The following SNX13 variants were observed in gnomAD, a reference collection of about 807,000 sequenced individuals.
SNX13 encodes the protein sorting nexin 13, also known as sorting nexin-13.
Under a neutral mutation model 133.6 loss-of-function variants are expected in SNX13, and 45 were observed. The ratio of observed to expected loss-of-function variants is 0.34; its 90% confidence interval spans 0.27 to 0.43. The LOEUF (loss-of-function observed/expected upper bound fraction) is 0.43, where lower values mean the gene tolerates loss of function less well. SNX13 is among the 20% of genes least tolerant of loss of function. The probability of loss-of-function intolerance (pLI) is 1.00; values close to 1 mark genes in which losing one functional copy is unlikely to be tolerated. For missense variants in SNX13, 1,032 were observed against 1,145.1 expected, an observed-to-expected ratio of 0.90 and a Z score of 1.43; for synonymous variants, 414 against 373.9, an observed-to-expected ratio of 1.11 and a Z score of -1.24.
chr7:17,891,019 A>G (rs1423045502), intron 4 of SNX13, among the ~76,000 whole-genome samples: 3 of 151,980 alleles, frequency 2.0e-5, no homozygotes, highest in Non-Finnish European at 4.4e-5. Flanking sequence ...AACTCAATGT[A>G]TAATTTTTAC....
At position 17,871,036 on chromosome 7, in the gene SNX13, G is replaced by T. The variant is rs564157037; in HGVS notation, c.753+2492C>A. ...TTTCTTTTTTTTTGAGAGGGAGTCT[G>T]GCTCTGTCGCCCAGGCTGGAGTGCA... On this transcript the variant is annotated intron_variant, in intron 8 of 25. Transcript: ENST00000428135. Among the ~76,000 whole-genome samples, 15 of 150,858 alleles carry T rather than the reference G, an allele frequency of 9.9e-5. No individual in the cohort carries two copies. The East Asian group carries it at 2.5e-3, about 26-fold the overall frequency.
rs71553704 is a variant in SNX13, at chr7:17,841,553, T to TACACACACACACACACAC, written c.1166-1571_1166-1554dup. Among the ~76,000 whole-genome samples, 385 of 143,064 alleles carry TACACACACACACACACAC rather than the reference T, an allele frequency of 2.7e-3. 2 individuals carry two copies. The highest frequency in any genetic ancestry group is 9.7e-3 in the African/African-American group (368 of 37,818). The allele number at this position is 143,064 out of a possible 152,430, so 93.9% of individuals were successfully genotyped here. On this transcript the variant is annotated intron_variant, in intron 12 of 25. Transcript: ENST00000428135. ...TTAGATTCAAACAGCCAGTTATTCATACACACACACACACACACACACACA... is the reference window on the plus strand; with the variant it reads ...TTAGATTCAAACAGCCAGTTATTCATACACACACACACACACACACACACACACACACACACACACACA...
chr7:17,866,560 C>T (rs539259955), intron 9 of SNX13, among the ~76,000 whole-genome samples: 1 of 151,952 alleles, frequency 6.6e-6, no homozygotes, highest in African/African-American at 2.4e-5. Flanking sequence ...ATTATTCAGC[C>T]ATTAAAAAAA....
rs947784409 is a variant in SNX13, at chr7:17,791,545, GT to G, written c.*2499del. On this transcript the variant is annotated 3_prime_UTR_variant, in exon 26 of 26. Coordinates refer to ENST00000428135, the MANE Select transcript of SNX13 (RefSeq NM_015132.5). ...TTTTTAAGGTGAATAAACTATGATG[GT>G]TTCTAAATAGTGTACATGTTACCTG... 4.0e-5 allele frequency: 6 copies of G among 151,856 alleles called. No homozygotes were observed. The highest frequency in any genetic ancestry group is 7.4e-5 in the Non-Finnish European group (5 of 67,890). The allele number at this position is 151,856 out of a possible 1,614,324, so 9.4% of individuals were successfully genotyped here.
chr7:17,806,988 C>T (rs983291567), intron 20 of SNX13, among the ~76,000 whole-genome samples: 4 of 152,194 alleles, frequency 2.6e-5, no homozygotes, highest in African/African-American at 7.2e-5. Flanking sequence ...TCCGGTGCCT[C>T]CGCCACCACG....
intron 13 of SNX13, among the ~76,000 whole-genome samples, chr7:17,837,868 T>C (rs1789334613): frequency 6.6e-6 from 1 of 151,898 alleles, no homozygotes; most frequent in South Asian, 2.1e-4. Context: ...AGTCTTATTT[T>C]AAAAATAGGA....
chr7:17,882,855 T>C (rs1449918372), intron 5 of SNX13: 1 of 1,287,018 alleles, frequency 7.8e-7, no homozygotes, highest in Non-Finnish European at 1.0e-6. Context: ...ACCAAGGTTT[T>C]GTTAAACAAA....
intron 9 of SNX13, among the ~76,000 whole-genome samples, chr7:17,867,276 A>G (rs1195820458): frequency 6.6e-6 from 1 of 152,184 alleles, no homozygotes; most frequent in Non-Finnish European, 1.5e-5. Flanking sequence ...CAGGTACTAC[A>G]ATCTGGTCGA....
Position 17,794,171 on chromosome 7 carries a change from T to C in SNX13, c.2748A>G (p.Leu916=). The change falls in exon 26 of 26, where the codon TTA becomes TTG. Residue 916 remains leucine, a synonymous_variant. Coordinates refer to ENST00000428135, the MANE Select transcript of SNX13 (RefSeq NM_015132.5). ...ATTTATACTGTGGAAATAAGGTTTC[T>C]AAAAAGCCTTCCAAGAAGACATAAA... ...RMVYVFLEGF[L]ETLFPQYKFR... The C allele has an allele frequency of 6.2e-7, 1 of 1,611,692 alleles. No individual in the cohort carries two copies. Among genetic ancestry groups the C allele is most frequent in the South Asian group, 1.1e-5 (1 of 90,940 alleles).
intron 1 of SNX13, among the ~76,000 whole-genome samples, chr7:17,919,707 C>CA (rs1458378579): frequency 6.6e-6 from 1 of 152,120 alleles, no homozygotes; most frequent in Non-Finnish European, 1.5e-5. Context: ...GAAAGCAACT[C>CA]AGGAGGAGGA....
intron 1 of SNX13, among the ~76,000 whole-genome samples, chr7:17,902,045 T>C (rs1785445401): frequency 6.6e-6 from 1 of 152,210 alleles, no homozygotes; most frequent in African/African-American, 2.4e-5. Flanking sequence ...TGCACCAATT[T>C]GTCAACAAGG....
chr7:17,921,640 G>T (rs1800141564), intron 1 of SNX13, among the ~76,000 whole-genome samples: 1 of 152,068 alleles, frequency 6.6e-6, no homozygotes, highest in Non-Finnish European at 1.5e-5. Flanking sequence ...TATAATTCCT[G>T]CCCATTAGCA....
Position 17,866,535 on chromosome 7 carries a change from T to C in SNX13, c.837+1872A>G, listed in dbSNP as rs370399091. Among the ~76,000 whole-genome samples, 301 of 152,056 alleles carry C rather than the reference T, an allele frequency of 2.0e-3. 10 individuals carry two copies. The South Asian group carries it at 0.059, about 30-fold the overall frequency. On this transcript the variant is annotated intron_variant, in intron 9 of 25. Transcript: ENST00000428135. ...AAATGGATAAAGAAAACATGGTACA[T>C]ACACAAAATAGAATATTATTCAGCC...
At position 17,940,340 on chromosome 7, in the gene SNX13, G is replaced by A. The variant is rs1168403217; in HGVS notation, c.-45C>T. The A allele has an allele frequency of 1.9e-6, 3 of 1,558,486 alleles. No individual in the cohort carries two copies. The highest frequency in any genetic ancestry group is 2.4e-5 in the East Asian group (1 of 41,524). ...GAGGTCCTCCCTAGCCTCGCCTCAT[G>A]GCAACAGCCGTAGCAGCAGCGAAAA... On this transcript the variant is annotated 5_prime_UTR_variant, in exon 1 of 26. Coordinates refer to ENST00000428135, the MANE Select transcript of SNX13 (RefSeq NM_015132.5).
At chr7:17,811,091 C>A (rs1254213417) in intron 20 of SNX13, among the ~76,000 whole-genome samples, 1 of 151,634 alleles carries the variant, frequency 6.6e-6, no homozygotes, top group African/African-American at 2.4e-5. Flanking sequence ...TAAAAACCGG[C>A]ACAAGGATAC....
At chr7:17,805,820 T>C (rs1052882872) in intron 20 of SNX13, among the ~76,000 whole-genome samples, 1 of 152,162 alleles carries the variant, frequency 6.6e-6, no homozygotes, top group African/African-American at 2.4e-5. Flanking sequence ...GCCTTTTTTT[T>C]GTTTGTTTTC....
At position 17,871,981 on chromosome 7, in the gene SNX13, C is replaced by T. The variant is rs116869376; in HGVS notation, c.753+1547G>A. Among the ~76,000 whole-genome samples the T allele has an allele frequency of 7.2e-3, 1,093 of 152,224 alleles. 12 individuals are homozygous for T. The highest frequency in any genetic ancestry group is 0.011 in the Non-Finnish European group (719 of 68,012). Reference sequence around the variant, plus strand: ...GATGGAGAGAAGACTAAAAGGCACACAGGATATGGAGGTAAGAATAAGACT... The same window carrying T: ...GATGGAGAGAAGACTAAAAGGCACATAGGATATGGAGGTAAGAATAAGACT... On this transcript the variant is annotated intron_variant, in intron 8 of 25. Coordinates refer to ENST00000428135, the MANE Select transcript of SNX13 (RefSeq NM_015132.5).
At chr7:17,934,483 G>A (rs1486579405) in intron 1 of SNX13, among the ~76,000 whole-genome samples, 1 of 152,180 alleles carries the variant, frequency 6.6e-6, no homozygotes, top group African/African-American at 2.4e-5. Context: ...ATTAGCATGT[G>A]AGTCTGAGTA....
At chr7:17,860,140 G>A (rs1198214230) in intron 9 of SNX13, among the ~76,000 whole-genome samples, 4 of 151,854 alleles carry the variant, frequency 2.6e-5, no homozygotes, top group South Asian at 2.1e-4. Context: ...CCACATCCTC[G>A]CCAATACCTG....
Sources: gnomAD v4.1 joint callset for allele counts (sites outside exome capture counted in the v4.1 genomes callset) on GRCh38, gnomAD v4.1.1 for gene constraint, MANE v1.5 for transcripts, NCBI Gene and HGNC (gene_info 2026-07-23, HGNC 2026-07-21) for gene names.